RNF13: variants seen among roughly 807,000 people sequenced by gnomAD.
RNF13 encodes the protein E3 ubiquitin-protein ligase RNF13.
In RNF13, 19 loss-of-function variants were observed where a neutral mutation model predicts 37.7. The ratio of observed to expected loss-of-function variants is 0.50; its 90% CI spans 0.35 to 0.74. RNF13 has a LOEUF of 0.74. Ranked by LOEUF, RNF13 falls within the 30% of genes least tolerant of loss-of-function variation. The pLI, the probability that RNF13 is intolerant of heterozygous loss-of-function variation, is 0.01. For missense variants in RNF13, 375 were observed against 453.0 expected, an observed-to-expected ratio of 0.83 and a Z score of 1.56; for synonymous variants, 144 against 157.8, an observed-to-expected ratio of 0.91 and a Z score of 0.65.
chr3:149,854,760 C>T (rs950198869), intron 3 of RNF13, among the ~76,000 whole-genome samples: 2 of 152,166 alleles, frequency 1.3e-5, no homozygotes, highest in African/African-American at 2.4e-5. Context: ...CCAAGCTAAT[C>T]GAAGAGATAC....
intron 4 of RNF13, among the ~76,000 whole-genome samples, chr3:149,889,314 T>TGTGTGTGTGTGTGC (rs1714419186): frequency 6.6e-6 from 1 of 150,490 alleles, no homozygotes; most frequent in Non-Finnish European, 1.5e-5. Flanking sequence ...TGTGTGTGTG[T>TGTGTGTGTGTGTGC]GTGTGTGTGT....
chr3:149,897,734 G>A (rs1715415343), intron 5 of RNF13, among the ~76,000 whole-genome samples: 1 of 152,162 alleles, frequency 6.6e-6, no homozygotes, highest in Non-Finnish European at 1.5e-5. Context: ...GGTAAGAAAA[G>A]CATAGATTTA....
chr3:149,873,755 A>G (rs1303248868), intron 4 of RNF13, among the ~76,000 whole-genome samples: 3 of 152,178 alleles, frequency 2.0e-5, no homozygotes, highest in Non-Finnish European at 4.4e-5. Flanking sequence ...GTTGCAGTGC[A>G]GACCATTCCA....
At position 149,871,891 on chromosome 3, in the gene RNF13, T is replaced by C. The variant is rs186594747; in HGVS notation, c.196-138T>C. The C allele has an allele frequency of 3.8e-3, 2,049 of 537,412 alleles. 10 individuals are homozygous for C. The highest frequency in any genetic ancestry group is 5.7e-3 in the Admixed American group (148 of 25,920). The allele number at this position is 537,412 out of a possible 1,614,324, so 33.3% of individuals were successfully genotyped here. Reference sequence around the variant, plus strand: ...AAATGCTGCTTTAGAAGTTCCGTGATTGTGAGCAATTTTACATGCCCAATG... The same window carrying C: ...AAATGCTGCTTTAGAAGTTCCGTGACTGTGAGCAATTTTACATGCCCAATG... On this transcript the variant is annotated intron_variant, in intron 3 of 9. Coordinates refer to ENST00000392894, the MANE Select transcript of RNF13 (RefSeq NM_183381.3).
intron 3 of RNF13, among the ~76,000 whole-genome samples, chr3:149,852,799 G>T (rs1276897650): frequency 6.6e-6 from 1 of 151,888 alleles, no homozygotes; most frequent in Non-Finnish European, 1.5e-5. Flanking sequence ...TGAACTAGCT[G>T]TGTTTAACAT....
At chr3:149,867,667 T>C (rs1479910157) in intron 3 of RNF13, among the ~76,000 whole-genome samples, 4 of 151,862 alleles carry the variant, frequency 2.6e-5, no homozygotes, top group Non-Finnish European at 4.4e-5. Context: ...TTTTGGACTA[T>C]GTGTATCTTT....
At chr3:149,828,378 G>T (rs866225993) in intron 1 of RNF13, among the ~76,000 whole-genome samples, 1 of 152,220 alleles carries the variant, frequency 6.6e-6, no homozygotes, top group Non-Finnish European at 1.5e-5. Flanking sequence ...TGACATTTAT[G>T]TGAGGAATCA....
At chr3:149,913,899 CT>C (rs1207179725) in intron 7 of RNF13, among the ~76,000 whole-genome samples, 1 of 152,136 alleles carries the variant, frequency 6.6e-6, no homozygotes, top group Non-Finnish European at 1.5e-5. Flanking sequence ...TTTTTCTACT[CT>C]TTTCTTTCTT....
intron 1 of RNF13, among the ~76,000 whole-genome samples, chr3:149,822,828 A>G (rs1246354178): frequency 2.0e-5 from 3 of 152,178 alleles, no homozygotes; most frequent in Non-Finnish European, 2.9e-5. Flanking sequence ...GGGATAAACC[A>G]TATTTATCGC....
At chr3:149,885,557 T>G (rs1713929272) in intron 4 of RNF13, among the ~76,000 whole-genome samples, 1 of 152,234 alleles carries the variant, frequency 6.6e-6, no homozygotes. Flanking sequence ...TCAAATCTTT[T>G]GCCCATTTAT....
In RNF13 at chr3:149,900,888, G is replaced by A. The variant is rs1328323445; in HGVS notation, c.410-1184G>A. On this transcript the variant is annotated intron_variant, in intron 5 of 9. Transcript: ENST00000392894. ...GAGAGAGAATGTATGAGAGTTGAAC[G>A]TTTATATTTGCATAAAACAATCTAG... 2.6e-5 allele frequency among the ~76,000 whole-genome samples: 4 copies of A among 151,766 alleles called. No individual in the cohort carries two copies. The East Asian group carries it at 7.7e-4, about 29-fold the overall frequency.
Position 149,960,793 on chromosome 3 carries a change from C to T in RNF13, c.835C>T (p.Pro279Ser). ...PWLTKTKKTCPVCKQKVVPSQ... is the reference protein window; with the variant it reads ...PWLTKTKKTCSVCKQKVVPSQ... ...GCTAACTAAAACCAAAAAAACCTGT[C>T]CAGTGTGCAAGCAAAAAGTTGTTCC... The change falls in exon 10 of 10, where the codon CCA becomes TCA. Residue 279 changes from proline to serine, a missense_variant. By Grantham distance (74) the Pro-to-Ser change is moderately conservative (BLOSUM62 -1). Transcript: ENST00000392894. 6.2e-7 allele frequency: 1 copy of T among 1,614,048 alleles called. No homozygotes were observed. Among genetic ancestry groups the T allele is most frequent in the Non-Finnish European group, 8.5e-7 (1 of 1,179,964 alleles).
At chr3:149,824,960 GA>G (rs1431163627) in intron 1 of RNF13, among the ~76,000 whole-genome samples, 5 of 149,150 alleles carry the variant, frequency 3.4e-5, no homozygotes, top group Non-Finnish European at 7.4e-5. Flanking sequence ...TATTTTTCCT[GA>G]TTTTTTTTTT....
chr3:149,889,384 A>G (rs1170784308), intron 4 of RNF13, among the ~76,000 whole-genome samples: 1 of 146,860 alleles, frequency 6.8e-6, no homozygotes, highest in African/African-American at 2.5e-5. Context: ...AGCTCACTGC[A>G]ACCTCCACCT....
chr3:149,840,599 T>A (rs972448756), intron 1 of RNF13, among the ~76,000 whole-genome samples: 2 of 152,180 alleles, frequency 1.3e-5, no homozygotes, highest in African/African-American at 2.4e-5. Context: ...AACAGTACTT[T>A]ACTGTGGTCC....
At chr3:149,854,267 T>C (rs1723431276) in intron 3 of RNF13, among the ~76,000 whole-genome samples, 2 of 152,210 alleles carry the variant, frequency 1.3e-5, no homozygotes, top group African/African-American at 2.4e-5. Flanking sequence ...CATAAAAATA[T>C]TTCAACCGAA....
At chr3:149,878,092 A>G (rs1232204863) in intron 4 of RNF13, among the ~76,000 whole-genome samples, 1 of 152,202 alleles carries the variant, frequency 6.6e-6, no homozygotes, top group Non-Finnish European at 1.5e-5. Context: ...AAGCAGTGTA[A>G]TGCCAGTAAC....
intron 7 of RNF13, among the ~76,000 whole-genome samples, chr3:149,919,643 A>G (rs1380434922): frequency 6.6e-6 from 1 of 152,148 alleles, no homozygotes; most frequent in Non-Finnish European, 1.5e-5. Flanking sequence ...TTGTTTACCC[A>G]TTTACCTATT....
At chr3:149,895,302 G>A in intron 4 of RNF13, 171 bp from the exon 5 acceptor site, 1 of 470,272 alleles carries the variant, frequency 2.1e-6, no homozygotes, top group South Asian at 4.0e-5. Flanking sequence ...CCTGATTACA[G>A]CAAGTTTCTA....
Sources: allele counts gnomAD v4.1 joint callset (sites outside exome capture counted in the v4.1 genomes callset), GRCh38; gene constraint gnomAD v4.1.1; transcripts MANE v1.5; gene names NCBI Gene and HGNC (gene_info 2026-07-23, HGNC 2026-07-21).